The following RAI14 variants were observed in gnomAD, a reference collection of about 807,000 sequenced individuals.
RAI14 encodes the protein ankycorbin.
A neutral mutation model predicts 115.4 loss-of-function variants in RAI14; 45 were observed. That is an observed-to-expected ratio of 0.39 (90% CI 0.31 to 0.50). The LOEUF is 0.50. Ranked by LOEUF, RAI14 falls within the 20% of genes least tolerant of loss-of-function variation. The pLI is 0.85. For missense variants in RAI14, 939 were observed against 1,131.2 expected (o/e 0.83, Z 2.44); for synonymous variants, 371 against 415.4 (o/e 0.89, Z 1.30).
chr5:34,672,486 G>T (rs1338754949), intron 1 of RAI14, among the ~76,000 whole-genome samples: 4 of 152,176 alleles, frequency 2.6e-5, no homozygotes, highest in Non-Finnish European at 4.4e-5. Flanking sequence ...ACAGAAAGTG[G>T]TTGAAAATTG....
intron 2 of RAI14, chr5:34,687,822 C>G (rs148028552): frequency 7.3e-7 from 1 of 1,371,462 alleles, no homozygotes; most frequent in Non-Finnish European, 1.0e-6. Context: ...TATATTTTGA[C>G]AGCTTGGCAC....
At position 34,814,572 on chromosome 5, in the gene RAI14, T is replaced by G; in HGVS notation, c.853-11T>G. 1 of 1,597,752 alleles carries G rather than the reference T, an allele frequency of 6.3e-7. No homozygotes were observed. Among genetic ancestry groups the G allele is most frequent in the South Asian group, 1.1e-5 (1 of 90,646 alleles). On this transcript the variant is annotated splice_polypyrimidine_tract_variant and intron_variant, in intron 11 of 17. Coordinates refer to ENST00000265109, the MANE Select transcript of RAI14 (RefSeq NM_015577.3). Reference sequence around the variant, plus strand: ...TCTTTATTAATGATTTTCATTTTGTTTCTTTTTTAGTTGAGTGATGTCTCT... The same window carrying G: ...TCTTTATTAATGATTTTCATTTTGTGTCTTTTTTAGTTGAGTGATGTCTCT...
chr5:34,776,967 G>A (rs548311904), intron 3 of RAI14, among the ~76,000 whole-genome samples: 77 of 152,002 alleles, frequency 5.1e-4, no homozygotes, highest in East Asian at 1.2e-3. Context: ...TCAGAAGTTC[G>A]AGACCAGCCT....
chr5:34,828,432 A>T (rs2150314131), intron 16 of RAI14, among the ~76,000 whole-genome samples: 1 of 152,316 alleles, frequency 6.6e-6, no homozygotes, highest in African/African-American at 2.4e-5. Context: ...CCAGATCAGA[A>T]GATAAAATCA....
At chr5:34,743,389 T>A (rs1395783175) in intron 2 of RAI14, among the ~76,000 whole-genome samples, 1 of 152,192 alleles carries the variant, frequency 6.6e-6, no homozygotes, top group East Asian at 1.9e-4. Flanking sequence ...TTCTTCCTCA[T>A]GTCTCTGCAT....
rs894457988 is a variant in RAI14, at chr5:34,823,703, C to A, written c.1861C>A (p.Gln621Lys). The A allele has an allele frequency of 8.7e-6, 14 of 1,614,074 alleles. No individual in the cohort carries two copies. The highest frequency in any genetic ancestry group is 1.1e-5 in the Non-Finnish European group (13 of 1,180,026). Residue 621 changes from glutamine (Q) to lysine (K), a missense_variant, in exon 15 of 18, where the codon CAG becomes AAG. Gln to Lys is a moderately conservative substitution (Grantham distance 53, BLOSUM62 1). Coordinates refer to ENST00000265109, the MANE Select transcript of RAI14 (RefSeq NM_015577.3). This position sits in a 1 kb window ranked among gnomAD's most constrained non-coding sequence, Gnocchi z 4.5. The stretch of plus-strand genomic sequence containing the variant: ...AGACACACTAAAAAGTCAGATGACA[C>A]AGGAAGCCAGTGATGAAGCTGAGGA... The part of the protein sequence containing the change: ...LKDTLKSQMT[Q>K]EASDEAEDMK...
intron 1 of RAI14, among the ~76,000 whole-genome samples, chr5:34,678,643 T>C (rs1335795444): frequency 6.6e-6 from 1 of 152,230 alleles, no homozygotes; most frequent in Admixed American, 6.5e-5. Context: ...CACCTTGATC[T>C]TGGGCTTTAT....
intron 1 of RAI14, among the ~76,000 whole-genome samples, chr5:34,675,173 G>A (rs753298785): frequency 7.2e-5 from 11 of 152,210 alleles, no homozygotes; most frequent in Non-Finnish European, 1.5e-4. Context: ...GGGATTATAG[G>A]CGTGAGCCTC....
chr5:34,794,912 A>T lies in RAI14; in HGVS notation c.168-1027A>T, dbSNP rs80113525. Among the ~76,000 whole-genome samples, 420 of 152,266 alleles carry T rather than the reference A, an allele frequency of 2.8e-3. 2 individuals carry two copies. Among genetic ancestry groups the T allele is most frequent in the African/African-American group, 9.6e-3 (401 of 41,564 alleles). ...AGCGAGAAAATATTATCTGGGCATT[A>T]ATTCAGAGGTACAGACACCAAGGGA... is the stretch of plus-strand genomic sequence containing the variant. On this transcript the variant is annotated intron_variant, in intron 3 of 17. Transcript: ENST00000265109.
chr5:34,807,846 T>C lies in RAI14; in HGVS notation c.368T>C (p.Leu123Ser). 6.2e-7 allele frequency: 1 copy of C among 1,611,254 alleles called. No homozygotes were observed. Among genetic ancestry groups the C allele is most frequent in the Non-Finnish European group, 8.5e-7 (1 of 1,177,360 alleles). ...GTCGACAGCTCTGGGAAAACAGCTT[T>C]ACATTATGCAGGTAACTTTCATTCT... ...ESVDSSGKTALHYAAAQGCLQ... is the reference protein window; with the variant it reads ...ESVDSSGKTASHYAAAQGCLQ... Residue 123 changes from leucine to serine, a missense_variant, in exon 6 of 18, where the codon TTA becomes TCA. Leu to Ser is a moderately radical substitution (Grantham distance 145, BLOSUM62 -2). Coordinates refer to ENST00000265109, the MANE Select transcript of RAI14 (RefSeq NM_015577.3).
intron 12 of RAI14, among the ~76,000 whole-genome samples, chr5:34,815,550 G>A (rs1239182329): frequency 3.9e-5 from 6 of 152,154 alleles, no homozygotes; most frequent in African/African-American, 9.6e-5. Context: ...GCGACAGAGC[G>A]AGTGTCTTGT....
chr5:34,780,842 C>A (rs1413125995), intron 3 of RAI14, among the ~76,000 whole-genome samples: 3 of 152,120 alleles, frequency 2.0e-5, no homozygotes, highest in Non-Finnish European at 4.4e-5. Context: ...ACTAGAAATA[C>A]CATTTGACCC....
At chr5:34,812,282 C>A in intron 10 of RAI14, 74 bp downstream of exon 10, 2 of 1,250,448 alleles carry the variant, frequency 1.6e-6, no homozygotes, top group African/African-American at 1.5e-5. Flanking sequence ...GATTTAACCA[C>A]TCTGGTCCAC....
At position 34,780,446 on chromosome 5, in the gene RAI14, T is replaced by C. The variant is rs182625527; in HGVS notation, c.168-15493T>C. 3.2e-3 allele frequency among the ~76,000 whole-genome samples: 494 copies of C among 152,076 alleles called. 1 individual carries two copies. The highest frequency in any genetic ancestry group is 0.011 in the African/African-American group (464 of 41,492). ...CAGAGTGAACAGGTAACCTACAGAA[T>C]GGGAAAAAATTTTTGCAATGTACTC... On this transcript the variant is annotated intron_variant, in intron 3 of 17. Transcript: ENST00000265109.
At chr5:34,699,930 A>G (rs564245237) in intron 2 of RAI14, among the ~76,000 whole-genome samples, 17 of 152,268 alleles carry the variant, frequency 1.1e-4, no homozygotes, top group African/African-American at 3.4e-4. Context: ...CTTCAGTGAC[A>G]GGGACGCCTA....
chr5:34,743,236 A>G (rs1461847160), intron 2 of RAI14, among the ~76,000 whole-genome samples: 1 of 152,210 alleles, frequency 6.6e-6, no homozygotes, highest in African/African-American at 2.4e-5. Flanking sequence ...AAATTAAGAC[A>G]TCAGCAGGGT....
At chr5:34,754,096 A>G (rs1260416103) in intron 2 of RAI14, among the ~76,000 whole-genome samples, 2 of 151,626 alleles carry the variant, frequency 1.3e-5, no homozygotes, top group African/African-American at 4.8e-5. Flanking sequence ...AAAGAAAAAA[A>G]AAAGAGTATG....
chr5:34,703,561 A>G lies in RAI14; in HGVS notation c.36+16606A>G, dbSNP rs373640095. 3.9e-5 allele frequency among the ~76,000 whole-genome samples: 6 copies of G among 152,230 alleles called. No individual in the cohort carries two copies. The East Asian group carries it at 1.2e-3, about 29-fold the overall frequency. ...AACTTGGAAGATATAAACAAGGGTG[A>G]GAAGTCTCCAAAGACAGATCCAAGT... On this transcript the variant is annotated intron_variant, in intron 2 of 17. Coordinates refer to ENST00000265109, the MANE Select transcript of RAI14 (RefSeq NM_015577.3).
chr5:34,706,636 A>T (rs552715290), intron 2 of RAI14, among the ~76,000 whole-genome samples: 1 of 152,206 alleles, frequency 6.6e-6, no homozygotes, highest in Non-Finnish European at 1.5e-5. Flanking sequence ...ATTATACTGT[A>T]TCACAGGAGA....
Sources: gnomAD v4.1 joint callset for allele counts (sites outside exome capture counted in the v4.1 genomes callset) on GRCh38, gnomAD v4.1.1 for gene constraint, Gnocchi (gnomAD v3.1) non-coding constraint, MANE v1.5 for transcripts, NCBI Gene and HGNC (gene_info 2026-07-23, HGNC 2026-07-21) for gene names.